The following FAM135A variants were observed in gnomAD, a reference collection of about 807,000 sequenced individuals.
FAM135A encodes protein FAM135A.
A neutral mutation model predicts 146.8 loss-of-function variants in FAM135A; 79 were observed. The ratio of observed to expected loss-of-function variants is 0.54; its 90% CI spans 0.45 to 0.65. FAM135A has a LOEUF of 0.65. Ranked by LOEUF, FAM135A falls within the 30% of genes least tolerant of loss-of-function variation. The pLI is 0.00. For synonymous variants in FAM135A, 562 were observed against 603.6 expected (o/e 0.93, Z 1.01); for missense variants, 1,623 against 1,758.2 (o/e 0.92, Z 1.38).
At chr6:70,419,638 G>A (rs1019514197) in intron 2 of FAM135A, among the ~76,000 whole-genome samples, 21 of 151,976 alleles carry the variant, frequency 1.4e-4, no homozygotes, top group Admixed American at 1.3e-3. Flanking sequence ...TTTTTCCCTC[G>A]GTTGGTCTCA....
rs150410256 is a variant in FAM135A at position 70,484,429 on chromosome 6, A to G, written c.823+2275A>G. Among the ~76,000 whole-genome samples the G allele has an allele frequency of 1.9e-3, 287 of 152,356 alleles. 3 individuals carry two copies. In the South Asian group the frequency reaches 0.021, roughly 11 times the overall value. On this transcript the variant is annotated intron_variant, in intron 10 of 21. Coordinates refer to ENST00000418814, the MANE Select transcript of FAM135A (RefSeq NM_001162529.3). ...AGTATGTTTATTGGTAAAATTTATA[A>G]TTAGTAATTAAATAAAAACATTTCT...
chr6:70,477,063 A>G (rs1352365280), intron 7 of FAM135A, 96 bp from the exon 8 acceptor site: 5 of 1,274,940 alleles, frequency 3.9e-6, no homozygotes, highest in Non-Finnish European at 5.2e-6. Context: ...TTTAAAAAGT[A>G]ATTAAGTAAA....
intron 2 of FAM135A, among the ~76,000 whole-genome samples, chr6:70,424,621 A>T (rs1039673297): frequency 1.3e-5 from 2 of 152,184 alleles, no homozygotes; most frequent in African/African-American, 4.8e-5. Context: ...AATTCCTTTG[A>T]CCAAGGCACT....
chr6:70,519,574 A>C lies in FAM135A; in HGVS notation c.1030-2939A>C, dbSNP rs190936404. ...TTGTTGTAATTTAAGAAATTGCCAT[A>C]GCCACTGCAGCCACCCTGATCAGCA... On this transcript the variant is annotated intron_variant, in intron 12 of 21. Coordinates refer to ENST00000418814, the MANE Select transcript of FAM135A (RefSeq NM_001162529.3). 9.2e-5 allele frequency among the ~76,000 whole-genome samples: 14 copies of C among 152,356 alleles called. No individual in the cohort carries two copies. In the East Asian group the frequency reaches 2.5e-3, roughly 27 times the overall value.
intron 20 of FAM135A, among the ~76,000 whole-genome samples, chr6:70,550,276 C>T (rs1799578931): frequency 6.6e-6 from 1 of 152,118 alleles, no homozygotes. Flanking sequence ...GAATTTTTTC[C>T]AAAAGCTTTT....
intron 7 of FAM135A, 77 bp from the exon 8 acceptor site, chr6:70,477,082 A>G (rs1336545686): frequency 3.6e-6 from 5 of 1,372,826 alleles, no homozygotes; most frequent in East Asian, 5.2e-5. Context: ...AATAGTTTTT[A>G]TAGTTTCAAC....
intron 21 of FAM135A, among the ~76,000 whole-genome samples, chr6:70,558,564 C>T (rs991911917): frequency 4.6e-5 from 7 of 152,176 alleles, no homozygotes; most frequent in African/African-American, 1.7e-4. Flanking sequence ...AATCCCAGCA[C>T]TTTGGGAGGC....
intron 5 of FAM135A, among the ~76,000 whole-genome samples, chr6:70,461,312 T>C (rs896784689): frequency 2.6e-5 from 4 of 152,180 alleles, no homozygotes; most frequent in African/African-American, 2.4e-5. Flanking sequence ...ACAGGGTTAT[T>C]GTGCATTAAA....
chr6:70,505,868 A>G (rs1263613774), intron 12 of FAM135A, among the ~76,000 whole-genome samples: 1 of 152,114 alleles, frequency 6.6e-6, no homozygotes, highest in Non-Finnish European at 1.5e-5. Context: ...CATGTATCAA[A>G]TACTGTTGTT....
chr6:70,533,018 A>T, intron 16 of FAM135A, 142 bp from the exon 17 acceptor site: 1 of 658,330 alleles, frequency 1.5e-6, no homozygotes, highest in Non-Finnish European at 2.7e-6. Context: ...ATAAAAATTG[A>T]GAACTCTATT....
chr6:70,427,060 T>C (rs980948050), intron 3 of FAM135A, among the ~76,000 whole-genome samples: 4 of 152,200 alleles, frequency 2.6e-5, no homozygotes, highest in African/African-American at 9.6e-5. Context: ...AACACTTTCT[T>C]ACTCTAAATT....
At position 70,475,683 on chromosome 6, in the gene FAM135A, A is replaced by G; in HGVS notation, c.318A>G (p.Glu106=). The G allele has an allele frequency of 6.7e-7, 1 of 1,481,556 alleles. No homozygotes were observed. The highest frequency in any genetic ancestry group is 9.0e-7 in the Non-Finnish European group (1 of 1,109,230). The allele number at this position is 1,481,556 out of a possible 1,614,324, so 91.8% of individuals were successfully genotyped here. A position where few individuals can be genotyped will look rare whatever the true frequency, so the allele number is the denominator to read the frequency against. ...DERKIEETLE[E]MNFLLSLDLH... The stretch of plus-strand genomic sequence containing the variant: ...TTCAGATTGAAGAAACCCTTGAGGA[A>G]ATGAATTTTCTATTATCCTTGGATC... Residue 106 remains glutamate (E), a synonymous_variant, in exon 7 of 22, where the codon GAA becomes GAG. Coordinates refer to ENST00000418814, the MANE Select transcript of FAM135A (RefSeq NM_001162529.3).
intron 4 of FAM135A, among the ~76,000 whole-genome samples, chr6:70,446,027 CTG>C (rs958508789): frequency 6.6e-6 from 1 of 152,186 alleles, no homozygotes; most frequent in Non-Finnish European, 1.5e-5. Context: ...GAGCTTCCAA[CTG>C]TTTTTATCCA....
chr6:70,417,725 T>C (rs567042719), intron 2 of FAM135A: 36 of 530,876 alleles, frequency 6.8e-5, no homozygotes, highest in African/African-American at 6.0e-4. Context: ...AGGGCTTACA[T>C]TGGAAATACT....
At position 70,524,816 on chromosome 6, in the gene FAM135A, A is replaced by G. The variant is rs764052446; in HGVS notation, c.1732A>G (p.Thr578Ala). Residue 578 changes from threonine (T) to alanine (A), a missense_variant, in exon 15 of 22, where the codon ACT (threonine) becomes GCT (alanine). Thr to Ala is a moderately conservative substitution (Grantham distance 58). Transcript: ENST00000418814. ...TCAAAAGGAAGCTAGCTGTTTGCCAACTAATACAGAGAGAACTGAACAAAA... is the reference window on the plus strand; with the variant it reads ...TCAAAAGGAAGCTAGCTGTTTGCCAGCTAATACAGAGAGAACTGAACAAAA... ...TSQKEASCLPTNTERTEQKSP... is the reference protein window; with the variant it reads ...TSQKEASCLPANTERTEQKSP... 3.2e-5 allele frequency: 50 copies of G among 1,562,866 alleles called. No individual in the cohort carries two copies. The highest frequency in any genetic ancestry group is 2.7e-5 in the African/African-American group (2 of 73,178).
chr6:70,522,432 A>C (rs1308292809), intron 12 of FAM135A, 81 bp from the exon 13 acceptor site: 1 of 1,171,188 alleles, frequency 8.5e-7, no homozygotes, highest in East Asian at 2.4e-5. Context: ...TAATGGAGGC[A>C]GTTTCTCTCC....
At chr6:70,431,918 A>G (rs1771742760) in intron 4 of FAM135A, among the ~76,000 whole-genome samples, 1 of 152,012 alleles carries the variant, frequency 6.6e-6, no homozygotes, top group African/African-American at 2.4e-5. Flanking sequence ...TCATTATAAA[A>G]TTATAAAATA....
chr6:70,454,885 T>G (rs937680178), intron 5 of FAM135A, among the ~76,000 whole-genome samples: 2 of 152,186 alleles, frequency 1.3e-5, no homozygotes, highest in African/African-American at 4.8e-5. Flanking sequence ...CTTTGTTCTT[T>G]TTGCTTAGGA....
chr6:70,503,110 C>T (rs1788939016), intron 12 of FAM135A: 1 of 166,450 alleles, frequency 6.0e-6, no homozygotes. Flanking sequence ...GGACAGGAAT[C>T]AGGAACTAGA....
Sources: allele counts gnomAD v4.1 joint callset (sites outside exome capture counted in the v4.1 genomes callset), GRCh38; gene constraint gnomAD v4.1.1; transcripts MANE v1.5; gene names NCBI Gene and HGNC (gene_info 2026-07-23, HGNC 2026-07-21).